The following SMARCA4 variants were observed in gnomAD, a reference collection of about 807,000 sequenced individuals.
SMARCA4 encodes SWI/SNF related BAF chromatin remodeling complex subunit ATPase 4, also known as SWI/SNF-related matrix-associated actin-dependent regulator of chromatin subfamily A member 4.
SMARCA4 carries 31 observed loss-of-function variants against 193.9 expected under a neutral mutation model. That is an observed-to-expected ratio of 0.16 (90% CI 0.12 to 0.22). SMARCA4 has a LOEUF of 0.22. Ranked by LOEUF, SMARCA4 falls within the 10% of genes least tolerant of loss-of-function variation. SMARCA4 has a pLI of 1.00. For synonymous variants in SMARCA4, 942 were observed against 933.1 expected (o/e 1.01, Z -0.17); for missense variants, 1,148 against 2,296.0 (o/e 0.50, Z 10.22).
At chr19:11,040,653 A>G (rs2075553289) in intron 29 of SMARCA4, 1 of 151,824 alleles carries the variant, frequency 6.6e-6, no homozygotes, top group Non-Finnish European at 1.5e-5. Context: ...CCAGTGGCTT[A>G]TATCTGTAAT....
At chr19:10,996,039 G>A (rs2087006658) in intron 9 of SMARCA4, 174 bp from the exon 10 acceptor site, 1 of 744,568 alleles carries the variant, frequency 1.3e-6, no homozygotes, top group Non-Finnish European at 2.4e-6. Flanking sequence ...GCCCTTGGTG[G>A]GTTTTGAGGA....
At chr19:11,056,094 T>A (rs2076532635) in intron 30 of SMARCA4, 1 of 152,254 alleles carries the variant, frequency 6.6e-6, no homozygotes, top group Admixed American at 6.6e-5. Flanking sequence ...GCTTATAAAA[T>A]TCCGTAGAGT....
At chr19:10,972,230 AT>A (rs2084733940) in intron 1 of SMARCA4, among the ~76,000 whole-genome samples, 2 of 152,082 alleles carry the variant, frequency 1.3e-5, no homozygotes, top group African/African-American at 4.8e-5. Context: ...AAGTGTTGGA[AT>A]TACAGGCATG....
intron 30 of SMARCA4, among the ~76,000 whole-genome samples, chr19:11,051,454 C>T (rs1037948583): frequency 7.3e-5 from 11 of 151,670 alleles, no homozygotes; most frequent in South Asian, 2.1e-4. Context: ...GAGCCTGTGC[C>T]GCAGTCGTCC....
At chr19:11,035,547 C>T (rs2075216808) in intron 29 of SMARCA4, among the ~76,000 whole-genome samples, 1 of 152,226 alleles carries the variant, frequency 6.6e-6, no homozygotes, top group African/African-American at 2.4e-5. Flanking sequence ...CTGCAGGCAG[C>T]CTCACTTTGG....
intron 1 of SMARCA4, among the ~76,000 whole-genome samples, chr19:10,967,428 AG>A (rs1199994487): frequency 6.6e-6 from 1 of 152,036 alleles, no homozygotes; most frequent in Non-Finnish European, 1.5e-5. Context: ...CTCCTGCCTC[AG>A]CCTCCTGAGT....
At chr19:11,014,916 G>A (rs2089213452) in intron 16 of SMARCA4, among the ~76,000 whole-genome samples, 2 of 151,910 alleles carry the variant, frequency 1.3e-5, no homozygotes, top group Non-Finnish European at 1.5e-5. Context: ...GGGTTCAAGC[G>A]ATTCTCCTGC....
At chr19:10,968,210 A>G (rs528411436) in intron 1 of SMARCA4, among the ~76,000 whole-genome samples, 2 of 152,152 alleles carry the variant, frequency 1.3e-5, no homozygotes, top group East Asian at 3.9e-4. Flanking sequence ...CTGGTCTCAA[A>G]CTTCTGACCT....
chr19:11,051,603 G>A (rs1200963246), intron 30 of SMARCA4, among the ~76,000 whole-genome samples: 1 of 150,268 alleles, frequency 6.7e-6, no homozygotes, highest in Non-Finnish European at 1.5e-5. Context: ...CAATTCTCCT[G>A]TTTCAGCCTC....
At chr19:11,027,607 T>C in intron 23 of SMARCA4, 177 bp from the exon 24 acceptor site, 2 of 719,056 alleles carry the variant, frequency 2.8e-6, no homozygotes, top group Non-Finnish European at 5.0e-6. Context: ...CTTATTTCAG[T>C]TGGGGGAAAT....
chr19:11,008,131 C>A (rs2146199126), intron 14 of SMARCA4, 108 bp downstream of exon 14: 2 of 1,139,226 alleles, frequency 1.8e-6, no homozygotes, highest in Non-Finnish European at 2.6e-6. Context: ...CACTGTCCAG[C>A]CAGCTGCTAC....
chr19:10,996,395 G>T lies in SMARCA4; in HGVS notation c.1761+15G>T, dbSNP rs373310523. The T allele has an allele frequency of 5.0e-6, 8 of 1,614,164 alleles. No individual in the cohort carries two copies. Among genetic ancestry groups the T allele is most frequent in the South Asian group, 2.2e-5 (2 of 91,082 alleles). On this transcript the variant is annotated intron_variant, in intron 10 of 34. Coordinates refer to ENST00000344626, the MANE Select transcript of SMARCA4 (RefSeq NM_003072.5). ...AGAAAAAGAAGGTGTGCTGGGCCTG[G>T]CATGGTGCCCGCCGCGGGTGGGATG...
At chr19:10,998,256 T>C (rs1386108387) in intron 11 of SMARCA4, among the ~76,000 whole-genome samples, 1 of 152,150 alleles carries the variant, frequency 6.6e-6, no homozygotes, top group African/African-American at 2.4e-5. Flanking sequence ...TGGAGTTGGG[T>C]TATGTGTCTC....
intron 8 of SMARCA4, among the ~76,000 whole-genome samples, chr19:10,994,312 T>G (rs887946353): frequency 1.3e-5 from 2 of 149,438 alleles, no homozygotes; most frequent in Non-Finnish European, 3.0e-5. Context: ...CAAAGCGATA[T>G]TCTAGGTTTT....
intron 13 of SMARCA4, among the ~76,000 whole-genome samples, chr19:11,005,902 A>T (rs906875672): frequency 5.3e-5 from 8 of 152,164 alleles, no homozygotes; most frequent in African/African-American, 1.9e-4. Context: ...CCGGCTTTAT[A>T]GTTGCTTTTG....
At chr19:10,970,881 A>G (rs2084612658) in intron 1 of SMARCA4, among the ~76,000 whole-genome samples, 1 of 152,166 alleles carries the variant, frequency 6.6e-6, no homozygotes, top group Non-Finnish European at 1.5e-5. Context: ...GTTGGTGTCA[A>G]AAGTGCTGTG....
rs941743043 is a variant in SMARCA4 at position 11,019,784 on chromosome 19, T to A, written c.2616+83T>A. 4 of 956,374 alleles carry A rather than the reference T, an allele frequency of 4.2e-6. No individual in the cohort carries two copies. The African/African-American group carries it at 4.8e-5, about 12-fold the overall frequency. The allele number at this position is 956,374 out of a possible 1,614,324, so 59.2% of individuals were successfully genotyped here. The stretch of plus-strand genomic sequence containing the variant: ...CGCTGCCCGTCTCCTCCAAAGCCCC[T>A]ACAAGTTTCTTCCCGGAGTCCCACC... On this transcript the variant is annotated intron_variant, in intron 18 of 34. Transcript: ENST00000344626. The surrounding 1 kb of genome is among the most constrained non-coding windows in gnomAD (Gnocchi z 6.1).
rs763820669 is a variant in SMARCA4, at chr19:10,989,398, G to T, written c.1200G>T (p.Ala400=). ...TGGCCGGGGATTTGCGAACCAAAGC[G>T]ACCATTGAGCTCAAGGCCCTCAGGC... ...GSLAGDLRTK[A]TIELKALRLL... Residue 400 remains alanine (A), a synonymous_variant, in exon 7 of 35, where the codon GCG becomes GCT. Transcript: ENST00000344626. 1 of 1,614,130 alleles carries T rather than the reference G, an allele frequency of 6.2e-7. No individual in the cohort carries two copies. Among genetic ancestry groups the T allele is most frequent in the Non-Finnish European group, 8.5e-7 (1 of 1,180,014 alleles).
At chr19:11,049,531 C>T (rs1372891582) in intron 30 of SMARCA4, among the ~76,000 whole-genome samples, 1 of 149,420 alleles carries the variant, frequency 6.7e-6, no homozygotes, top group Admixed American at 6.7e-5. Context: ...GTAGCCCAGG[C>T]TGGAGTGCAG....
Sources: gnomAD v4.1 joint callset for allele counts (sites outside exome capture counted in the v4.1 genomes callset) on GRCh38, gnomAD v4.1.1 for gene constraint, Gnocchi (gnomAD v3.1) non-coding constraint, MANE v1.5 for transcripts, NCBI Gene and HGNC (gene_info 2026-07-23, HGNC 2026-07-21) for gene names.